FAM135B: variants seen among roughly 807,000 people sequenced by gnomAD.
The protein encoded by FAM135B is protein FAM135B.
In FAM135B, 43 loss-of-function variants were observed where a neutral mutation model predicts 127.7. The ratio of observed to expected loss-of-function variants is 0.34; its 90% CI spans 0.26 to 0.43. The LOEUF (loss-of-function observed/expected upper bound fraction) is 0.43, where lower values mean the gene tolerates loss of function less well. FAM135B is among the 20% of genes least tolerant of loss of function. FAM135B has a pLI of 1.00. For missense variants in FAM135B, 1,558 were observed against 1,725.6 expected, an observed-to-expected ratio of 0.90 and a Z score of 1.72; for synonymous variants, 670 against 665.1, an observed-to-expected ratio of 1.01 and a Z score of -0.11.
chr8:138,162,939 A>G (rs17655198), intron 12 of FAM135B, among the ~76,000 whole-genome samples: 48,265 of 152,196 alleles, frequency 0.32, 8,529 homozygotes, highest in Non-Finnish European at 0.41. Context: ...TATCAGATTC[A>G]TCACAGACAG....
intron 4 of FAM135B, among the ~76,000 whole-genome samples, chr8:138,263,834 T>C (rs1250394446): frequency 6.6e-6 from 1 of 152,188 alleles, no homozygotes; most frequent in Non-Finnish European, 1.5e-5. Context: ...ATGTTGGGTA[T>C]CCACAGTGTA....
intron 19 of FAM135B, among the ~76,000 whole-genome samples, chr8:138,135,566 A>G (rs1179717713): frequency 6.6e-6 from 1 of 152,132 alleles, no homozygotes; most frequent in Admixed American, 6.6e-5. Flanking sequence ...GCACGAATAT[A>G]CTCTAACAGT....
intron 1 of FAM135B, among the ~76,000 whole-genome samples, chr8:138,377,868 T>C (rs1247635976): frequency 6.6e-6 from 1 of 152,208 alleles, no homozygotes; most frequent in Non-Finnish European, 1.5e-5. Context: ...ATGCAGCCAT[T>C]CTAACAACGT....
chr8:138,394,026 A>G (rs1832730854), intron 1 of FAM135B, among the ~76,000 whole-genome samples: 1 of 152,172 alleles, frequency 6.6e-6, no homozygotes, highest in African/African-American at 2.4e-5. Flanking sequence ...ACTTTGGTTC[A>G]TGTGATGGGC....
intron 4 of FAM135B, among the ~76,000 whole-genome samples, chr8:138,262,177 G>A (rs188979672): frequency 7.2e-5 from 11 of 152,240 alleles, no homozygotes; most frequent in East Asian, 3.9e-4. Flanking sequence ...AACCTCACAC[G>A]ACCTAAGGTT....
At chr8:138,325,633 G>A (rs1057261593) in intron 2 of FAM135B, among the ~76,000 whole-genome samples, 2 of 152,194 alleles carry the variant, frequency 1.3e-5, no homozygotes, top group Admixed American at 6.5e-5. Context: ...AAGCTGCAGG[G>A]AAGAATGACC....
chr8:138,420,013 A>C (rs1834396324), intron 1 of FAM135B, among the ~76,000 whole-genome samples: 1 of 152,148 alleles, frequency 6.6e-6, no homozygotes, highest in Non-Finnish European at 1.5e-5. Context: ...GAATGAAATC[A>C]AGATACAAAA....
intron 7 of FAM135B, among the ~76,000 whole-genome samples, chr8:138,206,290 G>A (rs796098587): frequency 0.021 from 510 of 24,488 alleles, no homozygotes; most frequent in Middle Eastern, 0.056. Context: ...CCTACGCACA[G>A]CTCTATCATC....
At chr8:138,225,523 C>A (rs1307692933) in intron 7 of FAM135B, among the ~76,000 whole-genome samples, 1 of 151,696 alleles carries the variant, frequency 6.6e-6, no homozygotes, top group East Asian at 1.9e-4. Flanking sequence ...TTTCAATTCT[C>A]AGGTGCTGTG....
chr8:138,448,830 C>A (rs901518536), intron 1 of FAM135B, among the ~76,000 whole-genome samples: 8 of 150,562 alleles, frequency 5.3e-5, no homozygotes, highest in Non-Finnish European at 1.0e-4. Context: ...AAAAAAAGTT[C>A]TTGGGAGATA....
intron 2 of FAM135B, among the ~76,000 whole-genome samples, chr8:138,355,004 T>A (rs892582461): frequency 6.6e-6 from 1 of 152,030 alleles, no homozygotes; most frequent in Non-Finnish European, 1.5e-5. Flanking sequence ...ATGCTATCCC[T>A]CCCCCTTCCT....
In FAM135B at chr8:138,367,924, C is replaced by T. The variant is rs774382100; in HGVS notation, c.60G>A (p.Val20=). Residue 20 remains valine, a synonymous_variant, in exon 2 of 20, where the codon GTG becomes GTA. Transcript: ENST00000395297. ...FSVELHKFYN[V]DLFQRGYYQI... is the part of the protein sequence containing the mutation. ...ATACTTACCCTCTCTGAAAGAGATC[C>T]ACATTATAAAATTTATGTAGCTCTA... The T allele has an allele frequency of 1.9e-6, 3 of 1,612,438 alleles. No homozygotes were observed.
intron 11 of FAM135B, among the ~76,000 whole-genome samples, chr8:138,170,217 C>CTTTTTTTT (rs141401317): frequency 8.9e-6 from 1 of 112,064 alleles, no homozygotes; most frequent in African/African-American, 3.5e-5. Flanking sequence ...CTGTTACTAT[C>CTTTTTTTT]TTTTTTTTTT....
intron 3 of FAM135B, among the ~76,000 whole-genome samples, chr8:138,292,783 GTGAAAATGACCATTTCAATATT>G (rs1027942253): frequency 2.6e-5 from 4 of 151,980 alleles, no homozygotes; most frequent in East Asian, 1.9e-4. Flanking sequence ...GCTCAATATC[GTGAAAATGACCATTTCAATATT>G]TGAAAATGAC....
intron 7 of FAM135B, among the ~76,000 whole-genome samples, chr8:138,234,374 C>A (rs1363264287): frequency 1.3e-5 from 2 of 152,048 alleles, no homozygotes; most frequent in East Asian, 3.9e-4. Flanking sequence ...AATATATATC[C>A]AAAATATTTG....
intron 2 of FAM135B, among the ~76,000 whole-genome samples, chr8:138,358,852 G>A (rs1482332742): frequency 6.6e-6 from 1 of 152,050 alleles, no homozygotes; most frequent in Non-Finnish European, 1.5e-5. Flanking sequence ...GGAAGTATCT[G>A]GGCCCTGTGG....
rs575965797 is a variant in FAM135B at position 138,158,843 on chromosome 8, A to G, written c.1259-5627T>C. ...ATAGGAACACTTTTACACTGTTGGT[A>G]GGACTGTAAACTAGCTCAACCATTG... On this transcript the variant is annotated intron_variant, in intron 12 of 19. Coordinates refer to ENST00000395297, the MANE Select transcript of FAM135B (RefSeq NM_015912.4). 7.2e-3 allele frequency among the ~76,000 whole-genome samples: 1,103 copies of G among 152,286 alleles called. 10 individuals are homozygous for G. The highest frequency in any genetic ancestry group is 0.025 in the African/African-American group (1,055 of 41,556).
chr8:138,361,899 T>C (rs1766524376), intron 2 of FAM135B, among the ~76,000 whole-genome samples: 1 of 152,188 alleles, frequency 6.6e-6, no homozygotes, highest in African/African-American at 2.4e-5. Flanking sequence ...TGTTTCTTCA[T>C]AGTATCCCCA....
chr8:138,188,584 G>A (rs1815796191), intron 9 of FAM135B, among the ~76,000 whole-genome samples: 1 of 152,170 alleles, frequency 6.6e-6, no homozygotes, highest in South Asian at 2.1e-4. Context: ...ATGGCTCTCT[G>A]TGACTTGGGA....
Sources: gnomAD v4.1 joint callset for allele counts (sites outside exome capture counted in the v4.1 genomes callset) on GRCh38, gnomAD v4.1.1 for gene constraint, MANE v1.5 for transcripts, NCBI Gene and HGNC (gene_info 2026-07-23, HGNC 2026-07-21) for gene names.